ANXA8: variants seen among roughly 807,000 people sequenced by gnomAD.
ANXA8 encodes the protein VAC-beta.
In ANXA8, 9 loss-of-function variants were observed where a neutral mutation model predicts 26.8. The ratio of observed to expected loss-of-function variants is 0.34; its 90% CI spans 0.20 to 0.59. The LOEUF is 0.59. ANXA8 is among the 20% of genes least tolerant of loss of function. The probability of loss-of-function intolerance (pLI) is 0.84; values close to 1 mark genes in which losing one functional copy is unlikely to be tolerated. For missense variants in ANXA8, 83 were observed against 238.5 expected (o/e 0.35, Z 4.29); for synonymous variants, 39 against 94.8 (o/e 0.41, Z 3.42).
chr10:47,743,378 A>ATATATACATATATATATG, the ANXA8 span, among the ~76,000 whole-genome samples: 1 of 59,778 alleles, frequency 1.7e-5, no homozygotes, highest in Non-Finnish European at 3.3e-5. Context: ...ATACATATAT[A>ATATATACATATATATATG]TGTGTGTGTG....
At chr10:47,703,498 G>A in the ANXA8 span, among the ~76,000 whole-genome samples, 6 of 150,550 alleles carry the variant, frequency 4.0e-5, no homozygotes, top group East Asian at 1.2e-3. Context: ...ATCCCAGGAG[G>A]TTGAGGCTGC....
chr10:47,644,306 T>C, the ANXA8 span, among the ~76,000 whole-genome samples: 1 of 150,172 alleles, frequency 6.7e-6, no homozygotes, highest in Non-Finnish European at 1.5e-5. Context: ...ATTATTCCGC[T>C]AAATTTGTTT....
the ANXA8 span, among the ~76,000 whole-genome samples, chr10:47,489,202 T>C: frequency 2.8e-5 from 4 of 141,282 alleles, no homozygotes; most frequent in Non-Finnish European, 4.6e-5. Flanking sequence ...GTATTTTTAG[T>C]AGAGACGGGG....
chr10:47,939,303 CAAAAA>C, the ANXA8 span, among the ~76,000 whole-genome samples: 23 of 81,176 alleles, frequency 2.8e-4, 1 homozygote, highest in Non-Finnish European at 2.2e-5. Flanking sequence ...AACTCTGTCT[CAAAAA>C]AAAAAAAAAA....
At chr10:47,581,663 G>A in the ANXA8 span, 1 of 369,648 alleles carries the variant, frequency 2.7e-6, no homozygotes, top group South Asian at 2.3e-5. Context: ...CTGGAGTGCA[G>A]TGGCACGATC....
the ANXA8 span, among the ~76,000 whole-genome samples, chr10:47,937,156 A>C: frequency 5.4e-5 from 8 of 149,404 alleles, no homozygotes; most frequent in African/African-American, 1.9e-4. Flanking sequence ...CCTGCCCCCC[A>C]CCACCCAGAA....
At chr10:47,744,648 C>T in the ANXA8 span, among the ~76,000 whole-genome samples, 1 of 151,798 alleles carries the variant, frequency 6.6e-6, no homozygotes, top group Non-Finnish European at 1.5e-5. Context: ...TATCACAATC[C>T]GGCGTCATAG....
the ANXA8 span, among the ~76,000 whole-genome samples, chr10:47,672,388 T>C: frequency 1.3e-5 from 2 of 151,942 alleles, no homozygotes; most frequent in Non-Finnish European, 2.9e-5. Context: ...ATCACACAGG[T>C]TCTTTTTTGG....
the ANXA8 span, among the ~76,000 whole-genome samples, chr10:47,744,613 A>G: frequency 0.12 from 18,113 of 147,600 alleles, 27 homozygotes; most frequent in African/African-American, 0.16. Flanking sequence ...CATACTAAAT[A>G]TTAGGACAAA....
chr10:47,521,491 A>G, the ANXA8 span, among the ~76,000 whole-genome samples: 899 of 140,030 alleles, frequency 6.4e-3, 63 homozygotes, highest in African/African-American at 0.022. Flanking sequence ...TTAAGAGCCC[A>G]ACCAAAGTTT....
chr10:47,935,776 G>A, the ANXA8 span, among the ~76,000 whole-genome samples: 1 of 135,532 alleles, frequency 7.4e-6, no homozygotes, highest in South Asian at 2.7e-4. Context: ...GGAAGGCCAA[G>A]AAGGACTTCC....
the ANXA8 span, among the ~76,000 whole-genome samples, chr10:47,658,453 GT>G: frequency 2.0e-5 from 3 of 149,594 alleles, no homozygotes; most frequent in Non-Finnish European, 4.4e-5. Context: ...CTGGATGCCT[GT>G]TTGGTTTTCA....
the ANXA8 span, chr10:47,564,920 C>G: frequency 6.1e-6 from 9 of 1,484,168 alleles, no homozygotes; most frequent in Non-Finnish European, 8.5e-6. Context: ...CTGTGAAAAG[C>G]TGCTGCCCTG....
At chr10:47,624,426 G>T in the ANXA8 span, among the ~76,000 whole-genome samples, 5 of 116,354 alleles carry the variant, frequency 4.3e-5, 1 homozygote, top group Non-Finnish European at 9.8e-5. Flanking sequence ...GAGAAATTTT[G>T]TTATGAAGTA....
the ANXA8 span, among the ~76,000 whole-genome samples, chr10:47,674,137 C>T: frequency 4.7e-5 from 7 of 150,264 alleles, no homozygotes; most frequent in Non-Finnish European, 1.0e-4. Flanking sequence ...GTACAATTTG[C>T]TTTCCTTTTT....
At chr10:47,498,036 G>C in the ANXA8 span, among the ~76,000 whole-genome samples, 1 of 151,218 alleles carries the variant, frequency 6.6e-6, no homozygotes, top group Non-Finnish European at 1.5e-5. Context: ...TTGGAACAGG[G>C]GTCAAGGAGA....
chr10:47,666,408 T>C, the ANXA8 span, among the ~76,000 whole-genome samples: 16 of 151,226 alleles, frequency 1.1e-4, no homozygotes, highest in South Asian at 2.1e-4. Context: ...TTTATGTGCA[T>C]TATCTCACTT....
upstream of ANXA8, among the ~76,000 whole-genome samples, chr10:47,485,007 T>G (rs1379454343): frequency 6.8e-6 from 1 of 146,962 alleles, no homozygotes; most frequent in Non-Finnish European, 1.5e-5. Flanking sequence ...GCCGCCGCCA[T>G]CCCCAGCCCC....
chr10:47,766,042 C>T, the ANXA8 span, among the ~76,000 whole-genome samples: 2 of 150,462 alleles, frequency 1.3e-5, no homozygotes, highest in South Asian at 4.2e-4. Context: ...GCTACCATGC[C>T]GAATATGGGA....
Sources: allele counts gnomAD v4.1 joint callset (sites outside exome capture counted in the v4.1 genomes callset), GRCh38; gene constraint gnomAD v4.1.1; transcripts MANE v1.5; gene names NCBI Gene and HGNC (gene_info 2026-07-23, HGNC 2026-07-21).